Variants in CNTN6 observed in about 807,000 individuals in gnomAD.
CNTN6 encodes contactin-6.
Under a neutral mutation model 122.8 loss-of-function variants are expected in CNTN6, and 137 were observed. That is an observed-to-expected ratio of 1.12 (90% CI 0.97 to 1.29). CNTN6 has a LOEUF of 1.29. Among genes scored for constraint, CNTN6 ranks in the 50% most tolerant of loss-of-function variants. The pLI, the probability that CNTN6 is intolerant of heterozygous loss-of-function variation, is 0.00. For synonymous variants in CNTN6, 570 were observed against 426.0 expected (o/e 1.34, Z -4.16); for missense variants, 1,634 against 1,223.4 (o/e 1.34, Z -5.01).
At chr3:1,388,093 T>A (rs1693390207) in intron 20 of CNTN6, among the ~76,000 whole-genome samples, 1 of 152,148 alleles carries the variant, frequency 6.6e-6, no homozygotes, top group Non-Finnish European at 1.5e-5. Context: ...AACTGTAGGC[T>A]CCACCTCTCG....
At chr3:1,129,659 A>T (rs2092281939) in intron 1 of CNTN6, among the ~76,000 whole-genome samples, 1 of 152,090 alleles carries the variant, frequency 6.6e-6, no homozygotes, top group South Asian at 2.1e-4. Flanking sequence ...TAAATATAAG[A>T]TGTTTTCTGT....
chr3:1,276,065 G>A (rs151223158), intron 4 of CNTN6, among the ~76,000 whole-genome samples: 214 of 152,092 alleles, frequency 1.4e-3, no homozygotes, highest in Non-Finnish European at 2.3e-3. Context: ...TAAAAAATAA[G>A]CAAAACTAAA....
chr3:1,170,720 T>C (rs1406614194), intron 2 of CNTN6, among the ~76,000 whole-genome samples: 1 of 152,210 alleles, frequency 6.6e-6, no homozygotes, highest in African/African-American at 2.4e-5. Flanking sequence ...TTTTTCCTCC[T>C]TCCCTTGTTT....
chr3:1,221,722 A>G (rs1012442239), intron 3 of CNTN6, among the ~76,000 whole-genome samples: 5 of 152,218 alleles, frequency 3.3e-5, no homozygotes, highest in Non-Finnish European at 1.5e-5. Context: ...GTAAATATTC[A>G]TAGGTAAATA....
chr3:1,242,856 G>A (rs1417314394), intron 4 of CNTN6, among the ~76,000 whole-genome samples: 1 of 152,118 alleles, frequency 6.6e-6, no homozygotes, highest in Non-Finnish European at 1.5e-5. Context: ...TACCAGAGTG[G>A]GGGAGTTTTC....
intron 1 of CNTN6, among the ~76,000 whole-genome samples, chr3:1,132,143 A>T (rs533749222): frequency 2.6e-5 from 4 of 152,124 alleles, no homozygotes; most frequent in Admixed American, 6.6e-5. Flanking sequence ...TGGGCCTGAC[A>T]CTTCTAAAAT....
At chr3:1,281,981 T>TACAC (rs1371153437) in intron 5 of CNTN6, among the ~76,000 whole-genome samples, 4 of 99,500 alleles carry the variant, frequency 4.0e-5, no homozygotes, top group African/African-American at 1.8e-4. Flanking sequence ...TATATATAGG[T>TACAC]ATACACACAC....
intron 11 of CNTN6, among the ~76,000 whole-genome samples, chr3:1,337,042 A>G (rs531441624): frequency 1.5e-3 from 225 of 152,276 alleles, no homozygotes; most frequent in Middle Eastern, 3.4e-3. Context: ...TCTTTTCTTC[A>G]TGGGTAAAAT....
intron 20 of CNTN6, among the ~76,000 whole-genome samples, chr3:1,392,077 A>C (rs1399692980): frequency 1.3e-5 from 2 of 152,210 alleles, no homozygotes; most frequent in Non-Finnish European, 2.9e-5. Context: ...TATGGAACCA[A>C]AAAAGAGCCC....
At chr3:1,315,279 T>C (rs1321117007) in intron 7 of CNTN6, among the ~76,000 whole-genome samples, 1 of 152,044 alleles carries the variant, frequency 6.6e-6, no homozygotes, top group African/African-American at 2.4e-5. Context: ...ACTGCATTGC[T>C]AGTATCAACA....
chr3:1,397,659 G>A (rs17038669), intron 20 of CNTN6, among the ~76,000 whole-genome samples: 5,131 of 152,198 alleles, frequency 0.034, 100 homozygotes, highest in South Asian at 0.055. Context: ...CACTACTTAT[G>A]TGGAAAGAAG....
chr3:1,378,363 C>T (rs1710182931), intron 17 of CNTN6, among the ~76,000 whole-genome samples: 2 of 152,180 alleles, frequency 1.3e-5, no homozygotes, highest in Admixed American at 6.6e-5. Flanking sequence ...CTGTAGCCTA[C>T]TTCACATAGC....
chr3:1,256,543 G>C (rs1453220180), intron 4 of CNTN6, among the ~76,000 whole-genome samples: 3 of 152,120 alleles, frequency 2.0e-5, no homozygotes, highest in Admixed American at 2.0e-4. Context: ...TAAGGGTCTG[G>C]ATTGCCAACA....
intron 4 of CNTN6, among the ~76,000 whole-genome samples, chr3:1,233,689 C>G (rs112029215): frequency 0.026 from 3,340 of 129,732 alleles, 47 homozygotes; most frequent in Middle Eastern, 0.09. Flanking sequence ...GAGCTGAGAT[C>G]GTGCCAGTAC....
intron 7 of CNTN6, among the ~76,000 whole-genome samples, chr3:1,307,472 C>CA (rs1698545135): frequency 7.6e-6 from 1 of 132,434 alleles, no homozygotes; most frequent in South Asian, 2.2e-4. Flanking sequence ...TCCAATATAA[C>CA]CCCCCCACAC....
At chr3:1,306,960 T>G (rs554492375) in intron 7 of CNTN6, among the ~76,000 whole-genome samples, 1 of 152,332 alleles carries the variant, frequency 6.6e-6, no homozygotes, top group East Asian at 1.9e-4. Flanking sequence ...CACAAATTAT[T>G]CATTCACTTA....
At chr3:1,118,697 T>C (rs1365958646) in intron 1 of CNTN6, among the ~76,000 whole-genome samples, 2 of 152,146 alleles carry the variant, frequency 1.3e-5, no homozygotes, top group Non-Finnish European at 2.9e-5. Context: ...GGTCACTTGG[T>C]CTTTCATATA....
chr3:1,229,655 G>A (rs987591047), intron 4 of CNTN6, among the ~76,000 whole-genome samples: 2 of 152,036 alleles, frequency 1.3e-5, no homozygotes, highest in Non-Finnish European at 2.9e-5. Flanking sequence ...TTCTTGCAAC[G>A]AGAAGTTTCT....
chr3:1,382,885 A>C, intron 17 of CNTN6, 57 bp from the exon 18 acceptor site: 1 of 1,098,998 alleles, frequency 9.1e-7, no homozygotes, highest in Admixed American at 1.8e-5. Context: ...TAAACATTAT[A>C]GTAGCTTAAT....
Sources: gnomAD v4.1 joint callset for allele counts (sites outside exome capture counted in the v4.1 genomes callset) on GRCh38, gnomAD v4.1.1 for gene constraint, MANE v1.5 for transcripts, NCBI Gene and HGNC (gene_info 2026-07-23, HGNC 2026-07-21) for gene names.